The following SPECC1 variants were observed in gnomAD, a reference collection of about 807,000 sequenced individuals.
SPECC1 encodes the protein cytospin-B.
SPECC1 carries 62 observed loss-of-function variants against 104.1 expected under a neutral mutation model. That is an observed-to-expected ratio of 0.60 (90% CI 0.49 to 0.74). SPECC1 has a LOEUF of 0.74. Ranked by LOEUF, SPECC1 falls within the 30% of genes least tolerant of loss-of-function variation. SPECC1 has a pLI of 0.00. For synonymous variants in SPECC1, 513 were observed against 501.6 expected (o/e 1.02, Z -0.30); for missense variants, 1,306 against 1,310.5 (o/e 1.00, Z 0.05).
intron 1 of SPECC1, among the ~76,000 whole-genome samples, chr17:20,013,664 G>A (rs1004436734): frequency 1.3e-5 from 2 of 151,968 alleles, no homozygotes; most frequent in African/African-American, 2.4e-5. Flanking sequence ...CACTATGCCC[G>A]GCTAATTTTT....
intron 4 of SPECC1, among the ~76,000 whole-genome samples, chr17:20,225,840 G>T (rs188847223): frequency 1.6e-4 from 25 of 152,270 alleles, no homozygotes; most frequent in Admixed American, 3.9e-4. Context: ...TGGCCATGTT[G>T]TTCTGTCTCC....
chr17:20,139,237 A>G (rs2030433810), intron 3 of SPECC1, among the ~76,000 whole-genome samples: 1 of 152,190 alleles, frequency 6.6e-6, no homozygotes. Flanking sequence ...TACAAGATAG[A>G]CAGAAGTCCT....
intron 1 of SPECC1, among the ~76,000 whole-genome samples, chr17:20,090,305 G>A (rs1415619469): frequency 6.6e-6 from 1 of 152,180 alleles, no homozygotes; most frequent in Non-Finnish European, 1.5e-5. Context: ...GGGAGAGGAT[G>A]CGTATGAGGT....
At chr17:20,139,558 C>G (rs1466826395) in intron 3 of SPECC1, among the ~76,000 whole-genome samples, 1 of 152,164 alleles carries the variant, frequency 6.6e-6, no homozygotes, top group African/African-American at 2.4e-5. Flanking sequence ...CTGGATTTGT[C>G]CTAACTGAAG....
chr17:20,028,866 G>A (rs1179767789), intron 1 of SPECC1, among the ~76,000 whole-genome samples: 1 of 151,434 alleles, frequency 6.6e-6, no homozygotes, highest in Non-Finnish European at 1.5e-5. Context: ...GGGTTCAAGC[G>A]ATTCTCCTGC....
chr17:20,055,020 A>G (rs1456889136), intron 1 of SPECC1, among the ~76,000 whole-genome samples: 1 of 152,222 alleles, frequency 6.6e-6, no homozygotes. Context: ...AGTGTTGTAC[A>G]GCTGATCTTG....
At chr17:20,297,564 C>T (rs2041396567) in intron 13 of SPECC1, among the ~76,000 whole-genome samples, 1 of 152,174 alleles carries the variant, frequency 6.6e-6, no homozygotes, top group African/African-American at 2.4e-5. Flanking sequence ...GGCAAATTTT[C>T]CCTGTTAAGG....
At position 20,314,003 on chromosome 17, in the gene SPECC1, C is replaced by T. The variant is rs139343062; in HGVS notation, c.3145C>T (p.Arg1049Trp). ...LELSEMLYTD[R>W]PDWQSVMQYV... ...ACTCAGCGAGATGCTGTACACAGAC[C>T]GGCCCGACTGGCAGAGTGTGATGCA... Residue 1049 changes from arginine (R) to tryptophan (W), a missense_variant, in exon 15 of 15, where the codon CGG becomes TGG. Physicochemically the swap from Arg to Trp is moderately radical, Grantham distance 101 (BLOSUM62 -3). Coordinates refer to ENST00000395527, the MANE Select transcript of SPECC1 (RefSeq NM_001243439.2). 26 of 1,614,032 alleles carry T rather than the reference C, an allele frequency of 1.6e-5. 1 individual carries two copies. The highest frequency in any genetic ancestry group is 2.2e-5 in the East Asian group (1 of 44,880).
Position 20,104,851 on chromosome 17 carries a change from G to A in SPECC1, c.148-5576G>A, listed in dbSNP as rs1184227017. Among the ~76,000 whole-genome samples, 5 of 150,782 alleles carry A rather than the reference G, an allele frequency of 3.3e-5. No individual in the cohort carries two copies. The South Asian group carries it at 8.4e-4, about 25-fold the overall frequency. ...GGGCTCCATGGCTCACAGGTTGCCC[G>A]ATTCCTAATACAGCATGGTACTTCA... On this transcript the variant is annotated intron_variant, in intron 2 of 14. Transcript: ENST00000395527.
At chr17:20,189,171 A>G (rs933076529) in intron 3 of SPECC1, among the ~76,000 whole-genome samples, 2 of 152,184 alleles carry the variant, frequency 1.3e-5, no homozygotes, top group Non-Finnish European at 1.5e-5. Flanking sequence ...CTTTTAGTTC[A>G]CTAAAGCCTG....
chr17:20,174,557 A>C (rs1276581988), intron 3 of SPECC1, among the ~76,000 whole-genome samples: 1 of 152,048 alleles, frequency 6.6e-6, no homozygotes, highest in African/African-American at 2.4e-5. Context: ...TTGAGCTGGA[A>C]TGGGCCTTCA....
rs1464740322 is a variant in SPECC1, at chr17:20,205,721, T to C, written c.1672T>C (p.Leu558=). 1 of 1,614,130 alleles carries C rather than the reference T, an allele frequency of 6.2e-7. No homozygotes were observed. Residue 558 remains leucine (L), a synonymous_variant, in exon 4 of 15, where the codon TTG becomes CTG. Transcript: ENST00000395527. ...KMENGSLKSH[L]QGEKQKATEA... The stretch of plus-strand genomic sequence containing the variant: ...GGAGAATGGATCTTTGAAGTCTCAT[T>C]TGCAGGGTGAGAAGCAGAAAGCCAC...
chr17:20,212,971 G>A (rs1404310092), intron 4 of SPECC1, among the ~76,000 whole-genome samples: 1 of 152,146 alleles, frequency 6.6e-6, no homozygotes, highest in African/African-American at 2.4e-5. Flanking sequence ...ATTTTATGCT[G>A]TTGATTCTGT....
At chr17:20,285,479 C>T (rs1300563347) in intron 12 of SPECC1, among the ~76,000 whole-genome samples, 1 of 152,024 alleles carries the variant, frequency 6.6e-6, no homozygotes, top group Admixed American at 6.6e-5. Flanking sequence ...GGACTGTTAC[C>T]CTTTTATTAA....
chr17:20,038,381 A>T (rs1046657184), intron 1 of SPECC1, among the ~76,000 whole-genome samples: 10 of 129,812 alleles, frequency 7.7e-5, no homozygotes, highest in African/African-American at 2.9e-4. Context: ...TGCTTTAACT[A>T]TGTCCCACAA....
chr17:20,189,027 A>C (rs2035473196), intron 3 of SPECC1, among the ~76,000 whole-genome samples: 1 of 152,180 alleles, frequency 6.6e-6, no homozygotes, highest in Non-Finnish European at 1.5e-5. Context: ...CCTGAGCCAT[A>C]ACTGTAGGAA....
rs888785377 is a variant in SPECC1 at position 20,265,004 on chromosome 17, C to T, written c.2940+4710C>T. 2.6e-5 allele frequency among the ~76,000 whole-genome samples: 4 copies of T among 152,024 alleles called. No homozygotes were observed. The South Asian group carries it at 6.2e-4, about 24-fold the overall frequency. Reference sequence around the variant, plus strand: ...GTGTATTTCCATGGTGTATATTTACCACATTTTCTTTATCCAACCCACTGT... The same window carrying T: ...GTGTATTTCCATGGTGTATATTTACTACATTTTCTTTATCCAACCCACTGT... On this transcript the variant is annotated intron_variant, in intron 12 of 14. Coordinates refer to ENST00000395527, the MANE Select transcript of SPECC1 (RefSeq NM_001243439.2).
Position 20,287,423 on chromosome 17 carries a change from C to CA in SPECC1, c.2941-9506dup, listed in dbSNP as rs61713120. ...TGGGCGACAGAGCGAGACTCCGTCT[C>CA]AAAAAAAAAAAAAAAAAAAAAAAAA... On this transcript the variant is annotated intron_variant, in intron 12 of 14. Coordinates refer to ENST00000395527, the MANE Select transcript of SPECC1 (RefSeq NM_001243439.2). Among the ~76,000 whole-genome samples, 281 of 98,050 alleles carry CA rather than the reference C, an allele frequency of 2.9e-3. 17 individuals are homozygous for CA. The highest frequency in any genetic ancestry group is 3.2e-3 in the Non-Finnish European group (160 of 49,370). 64.3% of individuals were successfully genotyped at this position (98,050 alleles called of 152,430 possible).
intron 12 of SPECC1, among the ~76,000 whole-genome samples, chr17:20,287,924 A>G (rs1021771684): frequency 3.9e-5 from 6 of 152,130 alleles, no homozygotes; most frequent in Admixed American, 1.3e-4. Context: ...CTCAACATAC[A>G]TTAGTGATTC....
Sources: allele counts gnomAD v4.1 joint callset (sites outside exome capture counted in the v4.1 genomes callset), GRCh38; gene constraint gnomAD v4.1.1; transcripts MANE v1.5; gene names NCBI Gene and HGNC (gene_info 2026-07-23, HGNC 2026-07-21).